CAMKMT: variants seen among roughly 807,000 people sequenced by gnomAD.
The protein encoded by CAMKMT is CaM KMT.
A neutral mutation model predicts 48.0 loss-of-function variants in CAMKMT; 53 were observed. That is an observed-to-expected ratio of 1.10 (90% CI 0.89 to 1.39). The LOEUF (loss-of-function observed/expected upper bound fraction) is 1.39. Ranked by LOEUF, CAMKMT falls within the 40% of genes most tolerant of loss-of-function variation. CAMKMT has a pLI of 0.00. For synonymous variants in CAMKMT, 165 were observed against 152.3 expected (o/e 1.08, Z -0.61); for missense variants, 428 against 402.7 (o/e 1.06, Z -0.54).
intron 1 of CAMKMT, among the ~76,000 whole-genome samples, chr2:44,368,491 T>C (rs1678843411): frequency 6.6e-6 from 1 of 152,248 alleles, no homozygotes; most frequent in Non-Finnish European, 1.5e-5. Flanking sequence ...TTTCATTGAG[T>C]ATTAGCTTGT....
At chr2:44,559,441 A>G (rs1668206964) in intron 3 of CAMKMT, among the ~76,000 whole-genome samples, 1 of 152,230 alleles carries the variant, frequency 6.6e-6, no homozygotes, top group Non-Finnish European at 1.5e-5. Flanking sequence ...TCTGCTCTCT[A>G]GAGCACCACC....
intron 3 of CAMKMT, among the ~76,000 whole-genome samples, chr2:44,608,291 C>G (rs556212195): frequency 1.3e-5 from 2 of 152,166 alleles, no homozygotes; most frequent in African/African-American, 4.8e-5. Context: ...CCAAGATGGT[C>G]TCGATCTCCT....
intron 3 of CAMKMT, among the ~76,000 whole-genome samples, chr2:44,630,160 T>G (rs1422275322): frequency 5.9e-5 from 9 of 151,816 alleles, no homozygotes; most frequent in African/African-American, 1.5e-4. Flanking sequence ...ATTCCCTATT[T>G]AATAAATGGT....
intron 2 of CAMKMT, among the ~76,000 whole-genome samples, chr2:44,377,198 G>A (rs1404942077): frequency 6.6e-6 from 1 of 152,032 alleles, no homozygotes; most frequent in East Asian, 1.9e-4. Context: ...GTAGAGATGG[G>A]GTTTTGCTGT....
chr2:44,531,789 A>G (rs1038406994), intron 3 of CAMKMT, among the ~76,000 whole-genome samples: 1 of 152,186 alleles, frequency 6.6e-6, no homozygotes, highest in Non-Finnish European at 1.5e-5. Context: ...CCTTGGTTAT[A>G]TACAGATTCC....
chr2:44,555,132 C>T (rs1222713934), intron 3 of CAMKMT, among the ~76,000 whole-genome samples: 1 of 152,146 alleles, frequency 6.6e-6, no homozygotes, highest in Non-Finnish European at 1.5e-5. Context: ...CCATATTACA[C>T]AGTCGTGTCT....
intron 3 of CAMKMT, among the ~76,000 whole-genome samples, chr2:44,629,700 A>C (rs1476598763): frequency 6.6e-6 from 1 of 152,062 alleles, no homozygotes. Context: ...GACATGAAGG[A>C]CCTCTTCAAG....
chr2:44,674,434 T>G (rs777500864), intron 3 of CAMKMT, among the ~76,000 whole-genome samples: 1 of 152,190 alleles, frequency 6.6e-6, no homozygotes, highest in Non-Finnish European at 1.5e-5. Context: ...GGCACATAGC[T>G]GGGGTTCGAA....
intron 3 of CAMKMT, among the ~76,000 whole-genome samples, chr2:44,688,959 G>A (rs908757321): frequency 2.6e-5 from 4 of 152,088 alleles, no homozygotes; most frequent in Non-Finnish European, 5.9e-5. Context: ...CATTCCACAT[G>A]GAACACATGG....
chr2:44,397,807 G>T (rs979474272), intron 3 of CAMKMT, among the ~76,000 whole-genome samples: 1 of 152,186 alleles, frequency 6.6e-6, no homozygotes, highest in African/African-American at 2.4e-5. Flanking sequence ...TTCTTTGACA[G>T]TAGAACTTGG....
chr2:44,659,085 T>G (rs1674534393), intron 3 of CAMKMT, among the ~76,000 whole-genome samples: 1 of 149,116 alleles, frequency 6.7e-6, no homozygotes, highest in Non-Finnish European at 1.5e-5. Flanking sequence ...GTTTTTTTTT[T>G]TTTTTTTTTT....
intron 7 of CAMKMT, among the ~76,000 whole-genome samples, chr2:44,729,159 G>A (rs1465453250): frequency 6.6e-6 from 1 of 152,090 alleles, no homozygotes; most frequent in Non-Finnish European, 1.5e-5. Flanking sequence ...AATAGAGGCA[G>A]AGTAAGAGAT....
At chr2:44,573,215 T>C (rs1669022183) in intron 3 of CAMKMT, among the ~76,000 whole-genome samples, 1 of 152,210 alleles carries the variant, frequency 6.6e-6, no homozygotes, top group Non-Finnish European at 1.5e-5. Flanking sequence ...ATGTGCTGTT[T>C]GGCCATCTGT....
intron 3 of CAMKMT, chr2:44,400,773 C>G (rs1682294425): frequency 6.6e-6 from 1 of 151,114 alleles, no homozygotes; most frequent in South Asian, 2.1e-4. Flanking sequence ...TTTTCAACAG[C>G]CAGTATCTTC....
At chr2:44,650,598 C>G (rs1214245690) in intron 3 of CAMKMT, among the ~76,000 whole-genome samples, 2 of 152,078 alleles carry the variant, frequency 1.3e-5, no homozygotes, top group Non-Finnish European at 2.9e-5. Flanking sequence ...ATTACTTTAA[C>G]TACAAAATTG....
At chr2:44,533,240 A>T (rs1467138882) in intron 3 of CAMKMT, among the ~76,000 whole-genome samples, 1 of 149,704 alleles carries the variant, frequency 6.7e-6, no homozygotes, top group East Asian at 2.0e-4. Context: ...AATTAATAAC[A>T]GATTTTTTTT....
intron 3 of CAMKMT, among the ~76,000 whole-genome samples, chr2:44,649,164 A>G (rs886145162): frequency 1.4e-4 from 21 of 151,588 alleles, no homozygotes; most frequent in Admixed American, 4.6e-4. Context: ...TGAGGGGGGG[A>G]AAATGGTTTG....
Position 44,767,008 on chromosome 2 carries a change from G to A in CAMKMT, c.894+447G>A, listed in dbSNP as rs1573257709. Among the ~76,000 whole-genome samples, 3 of 152,310 alleles carry A rather than the reference G, an allele frequency of 2.0e-5. No homozygotes were observed. In the South Asian group the frequency reaches 6.2e-4, roughly 32 times the overall value. On this transcript the variant is annotated intron_variant, in intron 10 of 10. Transcript: ENST00000378494. The stretch of plus-strand genomic sequence containing the variant: ...TGCTTTATAGCTGGGTCAGTTGGCA[G>A]TTTGAGACTGTTAAATCTCATACAG...
At chr2:44,524,102 C>T (rs1310942622) in intron 3 of CAMKMT, among the ~76,000 whole-genome samples, 1 of 152,108 alleles carries the variant, frequency 6.6e-6, no homozygotes, top group Admixed American at 6.5e-5. Context: ...CTAAGAAGAT[C>T]AAGTACAAGT....
Sources: gnomAD v4.1 joint callset for allele counts (sites outside exome capture counted in the v4.1 genomes callset) on GRCh38, gnomAD v4.1.1 for gene constraint, MANE v1.5 for transcripts, NCBI Gene and HGNC (gene_info 2026-07-23, HGNC 2026-07-21) for gene names.